INO80B: variants seen among roughly 807,000 people sequenced by gnomAD.
INO80B encodes IES2 homolog.
A neutral mutation model predicts 31.4 loss-of-function variants in INO80B; 18 were observed. The ratio of observed to expected loss-of-function variants is 0.57; its 90% CI spans 0.40 to 0.85. INO80B has a LOEUF of 0.85. INO80B is among the 40% of genes least tolerant of loss of function. INO80B has a pLI of 0.00. For missense variants in INO80B, 469 were observed against 475.4 expected (o/e 0.99, Z 0.13); for synonymous variants, 238 against 199.0 (o/e 1.20, Z -1.65).
In INO80B at chr2:74,455,919, A is replaced by G. The variant is rs1445130556; in HGVS notation, c.353A>G (p.Gln118Arg). The G allele has an allele frequency of 1.2e-6, 2 of 1,611,012 alleles. No homozygotes were observed. Among genetic ancestry groups the G allele is most frequent in the South Asian group, 2.2e-5 (2 of 90,990 alleles). Residue 118 changes from glutamine (Q) to arginine (R), a missense_variant, in exon 3 of 5, where the codon CAG (glutamine) becomes CGG (arginine). Transcript: ENST00000233331. ...EEPMEGVPLEQYRAWLDEDSN... is the reference protein window; with the variant it reads ...EEPMEGVPLERYRAWLDEDSN... Reference sequence around the variant, plus strand: ...CCTATGGAAGGAGTCCCCCTTGAGCAGTACCGTGCCTGGCTGGGTGAGGAT... The same window carrying G: ...CCTATGGAAGGAGTCCCCCTTGAGCGGTACCGTGCCTGGCTGGGTGAGGAT...
Position 74,457,701 on chromosome 2 carries a change from C to T in INO80B, c.908C>T (p.Ser303Leu), listed in dbSNP as rs780133559. The T allele has an allele frequency of 4.4e-6, 7 of 1,599,860 alleles. No homozygotes were observed. The highest frequency in any genetic ancestry group is 1.3e-5 in the African/African-American group (1 of 74,930). The change falls in exon 5 of 5, where the codon TCA (serine) becomes TTA (leucine). Residue 303 changes from serine to leucine, a missense_variant. Ser to Leu is a moderately radical substitution (Grantham distance 145). This residue lies in a region of INO80B where 201 missense variants were observed against 151.7 expected (regional missense o/e 1.32). Coordinates refer to ENST00000233331, the MANE Select transcript of INO80B (RefSeq NM_031288.4). ...GCAGTGTCTCAGCGGCCATCCCCCTCAGGCCCGCCGCCGCGCTGCTCTGTC... is the reference window on the plus strand; with the variant it reads ...GCAGTGTCTCAGCGGCCATCCCCCTTAGGCCCGCCGCCGCGCTGCTCTGTC... ...PTAVSQRPSP[S>L]GPPPRCSVPG...
Position 74,455,526 on chromosome 2 carries a change from C to A in INO80B, c.179C>A (p.Thr60Lys). Residue 60 changes from threonine to lysine, a missense_variant, in exon 2 of 5, where the codon ACG becomes AAG. Thr to Lys is a moderately conservative substitution (Grantham distance 78). Transcript: ENST00000233331. The stretch of plus-strand genomic sequence containing the variant: ...CATCAGGAAGAAGACGCCGGGCCCA[C>A]GCAGCCGTCCCCTGCCAAGCCTCAG... Reference protein sequence around the residue: ...KHHQEEDAGPTQPSPAKPQLK... With the variant: ...KHHQEEDAGPKQPSPAKPQLK... The A allele has an allele frequency of 6.2e-7, 1 of 1,614,138 alleles. No individual in the cohort carries two copies.
At chr2:74,456,747 C>T (rs1422217368) in intron 4 of INO80B, among the ~76,000 whole-genome samples, 1 of 152,220 alleles carries the variant, frequency 6.6e-6, no homozygotes, top group African/African-American at 2.4e-5. Flanking sequence ...ACTTTGGCAT[C>T]TTTGTAGAGA....
intron 1 of INO80B, 108 bp downstream of exon 1, chr2:74,455,282 G>C (rs1342582756): frequency 9.8e-6 from 15 of 1,526,490 alleles, no homozygotes; most frequent in Non-Finnish European, 1.4e-5. Context: ...GGAGAAAGGC[G>C]GTGCTGTTGT....
chr2:74,456,584 A>G (rs1558560954), intron 4 of INO80B, among the ~76,000 whole-genome samples: 1 of 152,268 alleles, frequency 6.6e-6, no homozygotes, highest in Non-Finnish European at 1.5e-5. Flanking sequence ...AAGAGATAAC[A>G]TTTGCAATAC....
intron 1 of INO80B, 111 bp from the exon 2 acceptor site, chr2:74,455,295 T>A (rs754644248): frequency 6.5e-7 from 1 of 1,534,832 alleles, no homozygotes; most frequent in Non-Finnish European, 9.0e-7. Flanking sequence ...GCTGTTGTTA[T>A]GGTAACAGCG....
chr2:74,457,944 C>T lies in INO80B; in HGVS notation c.*80C>T. 6 of 1,357,644 alleles carry T rather than the reference C, an allele frequency of 4.4e-6. No individual in the cohort carries two copies. The highest frequency in any genetic ancestry group is 5.9e-6 in the Non-Finnish European group (6 of 1,015,148). The allele number at this position is 1,357,644 out of a possible 1,614,324, so 84.1% of individuals were successfully genotyped here. On this transcript the variant is annotated 3_prime_UTR_variant, in exon 5 of 5. Transcript: ENST00000233331. ...CCACCCTATTAAATTACATCCGGTG[C>T]TTCGGCTTGTACAGAACTGGGGGAG...
At chr2:74,456,003 T>C in intron 3 of INO80B, 67 bp downstream of exon 3, 2 of 1,553,304 alleles carry the variant, frequency 1.3e-6, no homozygotes, top group South Asian at 1.1e-5. Flanking sequence ...AGGTTGGTTC[T>C]GAAATGGGTT....
At position 74,457,697 on chromosome 2, in the gene INO80B, C is replaced by T. The variant is rs781706795; in HGVS notation, c.904C>T (p.Pro302Ser). ...APTAVSQRPSPSGPPPRCSVP... is the reference protein window; with the variant it reads ...APTAVSQRPSSSGPPPRCSVP... ...CACGGCAGTGTCTCAGCGGCCATCCCCCTCAGGCCCGCCGCCGCGCTGCTC... is the reference window on the plus strand; with the variant it reads ...CACGGCAGTGTCTCAGCGGCCATCCTCCTCAGGCCCGCCGCCGCGCTGCTC... The change falls in exon 5 of 5, where the codon CCC becomes TCC. Residue 302 changes from proline to serine, a missense_variant. Physicochemically the swap from Pro to Ser is moderately conservative, Grantham distance 74 (BLOSUM62 -1). This residue lies in a region of INO80B where 201 missense variants were observed against 151.7 expected (regional missense o/e 1.32). Transcript: ENST00000233331. The T allele has an allele frequency of 3.8e-6, 6 of 1,599,554 alleles. No individual in the cohort carries two copies. Among genetic ancestry groups the T allele is most frequent in the South Asian group, 1.1e-5 (1 of 90,816 alleles).
Position 74,455,471 on chromosome 2 carries a change from A to C in INO80B, c.124A>C (p.Lys42Gln). 6.2e-7 allele frequency: 1 copy of C among 1,614,108 alleles called. No homozygotes were observed. The highest frequency in any genetic ancestry group is 8.5e-7 in the Non-Finnish European group (1 of 1,180,012). ...GHGVHKKKHKKHKKKHKKKHH... is the reference protein window; with the variant it reads ...GHGVHKKKHKQHKKKHKKKHH... ...TGGAGTGCACAAGAAAAAACACAAG[A>C]AGCACAAGAAGAAACACAAGAAGAA... The change falls in exon 2 of 5, where the codon AAG becomes CAG. Residue 42 changes from lysine (K) to glutamine (Q), a missense_variant. This residue lies in a region of INO80B where 223 missense variants were observed against 253.4 expected (regional missense o/e 0.88). Transcript: ENST00000233331.
At position 74,456,129 on chromosome 2, in the gene INO80B, C is replaced by T. The variant is rs1404008455; in HGVS notation, c.397C>T (p.Pro133Ser). 1 of 1,601,638 alleles carries T rather than the reference C, an allele frequency of 6.2e-7. No homozygotes were observed. The highest frequency in any genetic ancestry group is 8.5e-7 in the Non-Finnish European group (1 of 1,173,996). The change falls in exon 4 of 5, where the codon CCA (proline) becomes TCA (serine). Residue 133 changes from proline (P) to serine (S), a missense_variant. Transcript: ENST00000233331. ...TGAAGACAGTAATCTCTCTCCCTCT[C>T]CACTTCGGGACCTATCAGGAGGGTT... ...LDEDSNLSPS[P>S]LRDLSGGLGG...
In INO80B at chr2:74,455,116, C is replaced by T. The variant is rs200566124; in HGVS notation, c.-1C>T. On this transcript the variant is annotated 5_prime_UTR_variant, in exon 1 of 5. Transcript: ENST00000233331. ...CTAGTCCCCTTTCCTCGCAGGACCT[C>T]ATGAGTAAGCTGTGGCGGCGTGGGA... is the stretch of plus-strand genomic sequence containing the variant. 12 of 1,614,178 alleles carry T rather than the reference C, an allele frequency of 7.4e-6. No homozygotes were observed. In the East Asian group the frequency reaches 2.5e-4, roughly 33 times the overall value.
intron 4 of INO80B, among the ~76,000 whole-genome samples, chr2:74,457,099 A>G (rs905679576): frequency 1.3e-5 from 2 of 152,212 alleles, no homozygotes; most frequent in South Asian, 4.1e-4. Context: ...CCCTTGAGAG[A>G]TAAGGACCTA....
chr2:74,457,874 C>A lies in INO80B; in HGVS notation c.*10C>A, dbSNP rs769732899. On this transcript the variant is annotated 3_prime_UTR_variant, in exon 5 of 5. Coordinates refer to ENST00000233331, the MANE Select transcript of INO80B (RefSeq NM_031288.4). ...CCTTTTGGCTACGTAAGGCCCTTAA[C>A]CCGGACTCTGCGCCCCGTCCCATGC... The A allele has an allele frequency of 6.6e-7, 1 of 1,520,792 alleles. No homozygotes were observed. Among genetic ancestry groups the A allele is most frequent in the Non-Finnish European group, 8.8e-7 (1 of 1,141,412 alleles). The allele number at this position is 1,520,792 out of a possible 1,614,324, so 94.2% of individuals were successfully genotyped here.
chr2:74,457,318 C>T lies in INO80B; in HGVS notation c.541-16C>T. The T allele has an allele frequency of 6.3e-7, 1 of 1,598,660 alleles. No individual in the cohort carries two copies. The highest frequency in any genetic ancestry group is 1.1e-5 in the South Asian group (1 of 88,628). ...CCTCCATTTTCAGACAGCACCCCGT[C>T]TCTGTCTCTCCCTAGCGAGCTCTGC... is the stretch of plus-strand genomic sequence containing the variant. On this transcript the variant is annotated splice_polypyrimidine_tract_variant and intron_variant, in intron 4 of 4. Transcript: ENST00000233331.
intron 4 of INO80B, among the ~76,000 whole-genome samples, chr2:74,456,473 T>A (rs1377357254): frequency 6.6e-6 from 1 of 152,084 alleles, no homozygotes; most frequent in Non-Finnish European, 1.5e-5. Flanking sequence ...GCTATATGGT[T>A]TATGACAAAA....
Position 74,455,234 on chromosome 2 carries a change from C to T in INO80B, c.58+60C>T, listed in dbSNP as rs571304264. 7.5e-6 allele frequency: 12 copies of T among 1,590,544 alleles called. 1 individual carries two copies. In the African/African-American group the frequency reaches 1.5e-4, roughly 20 times the overall value. On this transcript the variant is annotated intron_variant, in intron 1 of 4. Transcript: ENST00000233331. ...TTAGAAAAGAAGTCCCGTTCTTGCT[C>T]CTCGGAGAGTCCAGGGTACTTCGGC...
intron 1 of INO80B, 109 bp downstream of exon 1, chr2:74,455,283 GTGC>G (rs1281929282): frequency 6.5e-7 from 1 of 1,527,934 alleles, no homozygotes; most frequent in East Asian, 2.2e-5. Context: ...GAGAAAGGCG[GTGC>G]TGTTGTTATG....
Position 74,456,189 on chromosome 2 carries a change from C to T in INO80B, c.457C>T (p.Leu153=). The change falls in exon 4 of 5, where the codon CTG becomes TTG. Residue 153 remains leucine (L), a synonymous_variant. Transcript: ENST00000233331. ...GQEEEEEQRW[L]DALEKGELDD... ...GGAGGAAGAGGAGGAACAGAGGTGG[C>T]TGGATGCCCTGGAGAAGGGGGAGCT... The T allele has an allele frequency of 1.2e-6, 2 of 1,613,936 alleles. No individual in the cohort carries two copies. The highest frequency in any genetic ancestry group is 2.2e-5 in the South Asian group (2 of 91,046).
Sources: gnomAD v4.1 joint callset for allele counts (sites outside exome capture counted in the v4.1 genomes callset) on GRCh38, gnomAD v4.1.1 for gene constraint, gnomAD v4.1.1 regional missense constraint, MANE v1.5 for transcripts, NCBI Gene and HGNC (gene_info 2026-07-23, HGNC 2026-07-21) for gene names.